Variants in HSD17B12 observed in about 807,000 individuals in gnomAD.
HSD17B12 encodes the protein very-long-chain 3-oxoacyl-CoA reductase.
Under a neutral mutation model 39.3 loss-of-function variants are expected in HSD17B12, and 32 were observed. The observed-to-expected ratio is 0.81, with a 90% CI of 0.61 to 1.09. The LOEUF is 1.09. Among genes scored for constraint, HSD17B12 ranks in the 50% least tolerant of loss-of-function variants. HSD17B12 has a pLI of 0.00. For missense variants in HSD17B12, 342 were observed against 382.9 expected, an observed-to-expected ratio of 0.89 and a Z score of 0.89; for synonymous variants, 150 against 146.7, an observed-to-expected ratio of 1.02 and a Z score of -0.16.
chr11:43,673,228 A>G, the HSD17B12 span: 1 of 152,340 alleles, frequency 6.6e-6, no homozygotes, highest in Non-Finnish European at 1.5e-5. Flanking sequence ...TTCATCAGGA[A>G]ACTCTGATCT....
intron 3 of HSD17B12, among the ~76,000 whole-genome samples, chr11:43,759,431 C>T (rs567488468): frequency 2.0e-5 from 3 of 152,212 alleles, no homozygotes; most frequent in Admixed American, 1.3e-4. Context: ...GTAAGGATAC[C>T]TGTCACCCTT....
At chr11:43,838,258 T>A (rs1363152184) in intron 7 of HSD17B12, 59 bp from the exon 8 acceptor site, 1 of 1,125,320 alleles carries the variant, frequency 8.9e-7, no homozygotes, top group Non-Finnish European at 1.4e-6. Context: ...AATCTGTAAT[T>A]CACAAACAAC....
At chr11:43,754,150 A>G (rs561169349) in intron 3 of HSD17B12, 29 bp downstream of exon 3, 2 of 1,417,784 alleles carry the variant, frequency 1.4e-6, no homozygotes, top group African/African-American at 2.8e-5. Context: ...CAAAAGGAAT[A>G]CATAGCTAAT....
intron 3 of HSD17B12, among the ~76,000 whole-genome samples, chr11:43,776,127 G>A (rs1229015587): frequency 1.3e-5 from 2 of 152,124 alleles, no homozygotes; most frequent in African/African-American, 4.8e-5. Context: ...ACACAGTAAT[G>A]GGATGGCTGG....
At chr11:43,679,417 G>A (rs896900030), upstream of HSD17B12, among the ~76,000 whole-genome samples, 1 of 152,154 alleles carries the variant, frequency 6.6e-6, no homozygotes, top group Non-Finnish European at 1.5e-5. Context: ...GTCCCTGTTT[G>A]CAGATGACAT....
intron 1 of HSD17B12, among the ~76,000 whole-genome samples, chr11:43,692,207 G>T (rs1312682681): frequency 6.6e-6 from 1 of 152,076 alleles, no homozygotes; most frequent in African/African-American, 2.4e-5. Context: ...TTCAATTGGG[G>T]GGTCAGATGT....
chr11:43,693,587 C>T (rs968862046), intron 1 of HSD17B12, among the ~76,000 whole-genome samples: 1 of 152,118 alleles, frequency 6.6e-6, no homozygotes, highest in African/African-American at 2.4e-5. Context: ...GTGCTTATAT[C>T]CCAAACTACT....
rs186944786 is a variant in HSD17B12 at position 43,786,987 on chromosome 11, A to T, written c.284-11333A>T. Among the ~76,000 whole-genome samples, 125 of 152,278 alleles carry T rather than the reference A, an allele frequency of 8.2e-4. 1 individual carries two copies. The highest frequency in any genetic ancestry group is 3.0e-3 in the African/African-American group (123 of 41,570). The stretch of plus-strand genomic sequence containing the variant: ...GAGACAGAGTCTTGCTCTGTTGCCC[A>T]GGCTGGAGGGCAGTGGTGATCTTGG... On this transcript the variant is annotated intron_variant, in intron 3 of 10. Coordinates refer to ENST00000278353, the MANE Select transcript of HSD17B12 (RefSeq NM_016142.3).
chr11:43,580,211 AGAGT>A, the HSD17B12 span, among the ~76,000 whole-genome samples: 5 of 151,148 alleles, frequency 3.3e-5, no homozygotes, highest in African/African-American at 1.2e-4. Flanking sequence ...GGAGGGAGGG[AGAGT>A]GAGGGAAGGA....
chr11:43,720,754 G>A (rs1375713060), intron 1 of HSD17B12, among the ~76,000 whole-genome samples: 1 of 152,128 alleles, frequency 6.6e-6, no homozygotes, highest in African/African-American at 2.4e-5. Flanking sequence ...TTTAAACTTG[G>A]AAGATTTACT....
chr11:43,747,813 T>G (rs1950426048), intron 1 of HSD17B12, among the ~76,000 whole-genome samples: 1 of 152,202 alleles, frequency 6.6e-6, no homozygotes, highest in South Asian at 2.1e-4. Context: ...GTGACTGTAC[T>G]CAATAAAAAG....
intron 3 of HSD17B12, among the ~76,000 whole-genome samples, chr11:43,758,605 C>A (rs1950531632): frequency 6.6e-6 from 1 of 152,174 alleles, no homozygotes; most frequent in African/African-American, 2.4e-5. Context: ...TTTACTGGGG[C>A]TACCACGGAA....
intron 9 of HSD17B12, among the ~76,000 whole-genome samples, chr11:43,844,981 G>GTTGT (rs71308376): frequency 0.33 from 49,285 of 151,160 alleles, 9,314 homozygotes; most frequent in East Asian, 0.68. Flanking sequence ...AAAATAAGGG[G>GTTGT]TTGTTTGTTT....
At chr11:43,732,112 T>C (rs1950273462) in intron 1 of HSD17B12, among the ~76,000 whole-genome samples, 2 of 152,152 alleles carry the variant, frequency 1.3e-5, no homozygotes, top group African/African-American at 4.8e-5. Context: ...CTCCATGCTG[T>C]TCTCCTGATA....
At chr11:43,726,498 A>T (rs1249834496) in intron 1 of HSD17B12, among the ~76,000 whole-genome samples, 1 of 152,188 alleles carries the variant, frequency 6.6e-6, no homozygotes, top group Non-Finnish European at 1.5e-5. Context: ...ATTAGATGAG[A>T]TTAGGTCCAG....
Position 43,681,685 on chromosome 11 carries a change from T to TC in HSD17B12, c.160+699dup, listed in dbSNP as rs553461605. On this transcript the variant is annotated intron_variant, in intron 1 of 10. Coordinates refer to ENST00000278353, the MANE Select transcript of HSD17B12 (RefSeq NM_016142.3). Reference sequence around the variant, plus strand: ...TTAAAATCAGATTTTTTTTTTTTTTTCACAAGGACGTTTGTAGGAAAAAGT... The same window carrying TC: ...TTAAAATCAGATTTTTTTTTTTTTTTCCACAAGGACGTTTGTAGGAAAAAGT... 2.0e-3 allele frequency among the ~76,000 whole-genome samples: 296 copies of TC among 146,404 alleles called. 1 individual carries two copies. Among genetic ancestry groups the TC allele is most frequent in the South Asian group, 0.011 (52 of 4,642 alleles).
the HSD17B12 span, among the ~76,000 whole-genome samples, chr11:43,672,139 C>T: frequency 2.0e-5 from 3 of 152,128 alleles, no homozygotes; most frequent in Non-Finnish European, 4.4e-5. Flanking sequence ...AGCTCTGCCT[C>T]CCGGGTTCAC....
At chr11:43,825,245 A>T (rs556469399) in intron 6 of HSD17B12, among the ~76,000 whole-genome samples, 1 of 151,956 alleles carries the variant, frequency 6.6e-6, no homozygotes, top group East Asian at 1.9e-4. Flanking sequence ...TTGAAAATCT[A>T]TTTTTTCCTT....
the HSD17B12 span, among the ~76,000 whole-genome samples, chr11:43,650,458 G>A: frequency 6.6e-5 from 10 of 152,154 alleles, no homozygotes; most frequent in Non-Finnish European, 1.5e-4. Flanking sequence ...TGAGAAAGAT[G>A]GATGATGCCA....
Sources: allele counts gnomAD v4.1 joint callset (sites outside exome capture counted in the v4.1 genomes callset), GRCh38; gene constraint gnomAD v4.1.1; transcripts MANE v1.5; gene names NCBI Gene and HGNC (gene_info 2026-07-23, HGNC 2026-07-21).